Variants in DPM1 observed in about 807,000 individuals in gnomAD.
The protein encoded by DPM1 is dolichol-phosphate mannosyltransferase subunit 1.
In DPM1, 27 loss-of-function variants were observed where a neutral mutation model predicts 39.0. The observed-to-expected ratio is 0.69, with a 90% CI of 0.51 to 0.95. The LOEUF (loss-of-function observed/expected upper bound fraction) is 0.95, where lower values mean the gene tolerates loss of function less well. Among genes scored for constraint, DPM1 ranks in the 40% least tolerant of loss-of-function variants. The pLI is 0.00. For missense variants in DPM1, 307 were observed against 315.6 expected, an observed-to-expected ratio of 0.97 and a Z score of 0.21; for synonymous variants, 124 against 109.0, an observed-to-expected ratio of 1.14 and a Z score of -0.86.
intron 2 of DPM1, among the ~76,000 whole-genome samples, chr20:50,952,329 A>C (rs1282612770): frequency 6.6e-6 from 1 of 152,242 alleles, no homozygotes; most frequent in Non-Finnish European, 1.5e-5. Flanking sequence ...ACTTAAAAAC[A>C]GAATTGAGAC....
chr20:50,942,431 G>C (rs1045869986), intron 5 of DPM1, among the ~76,000 whole-genome samples: 2 of 151,986 alleles, frequency 1.3e-5, no homozygotes, highest in African/African-American at 2.4e-5. Context: ...CTTGAACCCA[G>C]GAGGCAGGTT....
At chr20:50,958,220 C>T (rs374290920) in intron 1 of DPM1, 143 bp downstream of exon 1, 2 of 1,073,570 alleles carry the variant, frequency 1.9e-6, no homozygotes, top group East Asian at 2.6e-5. Context: ...CTCTGCTTCC[C>T]TCGCAGGGTG....
At position 50,945,717 on chromosome 20, in the gene DPM1, A is replaced by G. The variant is rs199721166; in HGVS notation, c.398+20T>C. 1 of 1,532,752 alleles carries G rather than the reference A, an allele frequency of 6.5e-7. No homozygotes were observed. Among genetic ancestry groups the G allele is most frequent in the East Asian group, 2.3e-5 (1 of 44,380 alleles). The allele number at this position is 1,532,752 out of a possible 1,614,324, so 94.9% of individuals were successfully genotyped here. ...ATGTTTCCAGTCATATTTCTTTCAA[A>G]TATTAGAAATAGTACCTACCTAATA... On this transcript the variant is annotated intron_variant, in intron 5 of 8. Coordinates refer to ENST00000371588, the MANE Select transcript of DPM1 (RefSeq NM_003859.3).
At chr20:50,951,256 A>C (rs1375801238) in intron 2 of DPM1, among the ~76,000 whole-genome samples, 1 of 152,232 alleles carries the variant, frequency 6.6e-6, no homozygotes, top group Non-Finnish European at 1.5e-5. Flanking sequence ...TCAAAGGTTT[A>C]TATAAAATAT....
intron 5 of DPM1, among the ~76,000 whole-genome samples, 182 bp from the exon 6 acceptor site, chr20:50,942,308 C>G (rs1160256845): frequency 2.6e-5 from 4 of 151,960 alleles, no homozygotes; most frequent in Non-Finnish European, 4.4e-5. Context: ...GAGTTCAAGA[C>G]CAGCCTGGCC....
rs765866526 is a variant in DPM1, at chr20:50,936,192, C to T, written c.634G>A (p.Glu212Lys). ...AACTGTCTTGCCCGAACAATCATCT[C>T]CATCTGGAAGACGTAGCCTTTAGAA... ...CVSKGYVFQM[E>K]MIVRARQLNY... Residue 212 changes from glutamate to lysine, a missense_variant, in exon 8 of 9, where the codon GAG (glutamate) becomes AAG (lysine). Around this residue, in one of 3 missense-constraint regions of DPM1, gnomAD observed 70 missense variants for 69.4 expected, o/e 1.01. Transcript: ENST00000371588. 1 of 1,613,810 alleles carries T rather than the reference C, an allele frequency of 6.2e-7. No homozygotes were observed. Among genetic ancestry groups the T allele is most frequent in the Non-Finnish European group, 8.5e-7 (1 of 1,179,806 alleles).
chr20:50,953,506 T>A (rs1432454093), intron 2 of DPM1, among the ~76,000 whole-genome samples: 1 of 152,130 alleles, frequency 6.6e-6, no homozygotes, highest in African/African-American at 2.4e-5. Flanking sequence ...TTAATACTGT[T>A]TTTTTTTAAA....
intron 2 of DPM1, among the ~76,000 whole-genome samples, chr20:50,949,138 C>CATG (rs1477034136): frequency 6.6e-6 from 1 of 152,196 alleles, no homozygotes; most frequent in African/African-American, 2.4e-5. Context: ...GGATTACAGG[C>CATG]ATGAGTCACC....
At chr20:50,943,602 G>A (rs1021718696) in intron 5 of DPM1, among the ~76,000 whole-genome samples, 3 of 151,754 alleles carry the variant, frequency 2.0e-5, no homozygotes, top group African/African-American at 7.3e-5. Context: ...CTCATGATCC[G>A]CCCGCCTCAG....
At chr20:50,956,247 A>G (rs1986814599) in intron 1 of DPM1, among the ~76,000 whole-genome samples, 1 of 152,218 alleles carries the variant, frequency 6.6e-6, no homozygotes, top group Non-Finnish European at 1.5e-5. Context: ...CCAACACAAT[A>G]CTTGGTGGAT....
At chr20:50,951,956 C>T (rs1986604100) in intron 2 of DPM1, among the ~76,000 whole-genome samples, 1 of 152,086 alleles carries the variant, frequency 6.6e-6, no homozygotes, top group Non-Finnish European at 1.5e-5. Flanking sequence ...TCCACCTCTC[C>T]ACCCTCCCCT....
At chr20:50,951,909 A>C (rs1986600013) in intron 2 of DPM1, among the ~76,000 whole-genome samples, 1 of 152,104 alleles carries the variant, frequency 6.6e-6, no homozygotes, top group South Asian at 2.1e-4. Flanking sequence ...AATCCAAACT[A>C]TTTCTATTTG....
intron 7 of DPM1, 137 bp from the exon 8 acceptor site, chr20:50,936,399 C>G: frequency 1.6e-6 from 1 of 613,854 alleles, no homozygotes. Context: ...AGCTCGCACA[C>G]TTGATGATTA....
intron 3 of DPM1, among the ~76,000 whole-genome samples, chr20:50,946,319 T>TA (rs1230010182): frequency 3.3e-5 from 5 of 152,216 alleles, no homozygotes; most frequent in African/African-American, 1.2e-4. Context: ...GCTTCCTACT[T>TA]AATATCTCCA....
intron 3 of DPM1, among the ~76,000 whole-genome samples, chr20:50,948,381 CA>C (rs1319028485): frequency 3.3e-5 from 5 of 152,178 alleles, no homozygotes; most frequent in African/African-American, 9.6e-5. Flanking sequence ...GGAACTCCTT[CA>C]GGGGTGTAAC....
At chr20:50,935,348 C>T in intron 8 of DPM1, 112 bp from the exon 9 acceptor site, 1 of 717,710 alleles carries the variant, frequency 1.4e-6, no homozygotes, top group Non-Finnish European at 2.5e-6. Context: ...AACAGAGGTC[C>T]TTAAAGTAAG....
chr20:50,947,111 G>C (rs891355603), intron 3 of DPM1, among the ~76,000 whole-genome samples: 2 of 152,262 alleles, frequency 1.3e-5, no homozygotes, highest in African/African-American at 4.8e-5. Context: ...GGGAGGCTGA[G>C]GCAGGAGAAT....
chr20:50,952,665 G>C (rs1986638842), intron 2 of DPM1, among the ~76,000 whole-genome samples: 1 of 152,130 alleles, frequency 6.6e-6, no homozygotes, highest in South Asian at 2.1e-4. Flanking sequence ...GAATTATCTG[G>C]TTGGTTGGGG....
chr20:50,948,751 TAATAGA>T (rs1986423026), intron 2 of DPM1, 89 bp from the exon 3 acceptor site: 1 of 1,165,624 alleles, frequency 8.6e-7, no homozygotes, highest in South Asian at 1.2e-5. Context: ...ATACTCACTT[TAATAGA>T]AATATAGTTG....
Sources: allele counts gnomAD v4.1 joint callset (sites outside exome capture counted in the v4.1 genomes callset), GRCh38; gene constraint gnomAD v4.1.1; regional missense constraint gnomAD v4.1.1; transcripts MANE v1.5; gene names NCBI Gene and HGNC (gene_info 2026-07-23, HGNC 2026-07-21).